PFKFB3: variants seen among roughly 807,000 people sequenced by gnomAD.
PFKFB3 encodes the protein 6-phosphofructo-2-kinase/fructose-2,6-biphosphatase 3, also known as 6-phosphofructo-2-kinase/fructose-2,6-bisphosphatase 3.
A neutral mutation model predicts 68.0 loss-of-function variants in PFKFB3; 33 were observed. The observed-to-expected ratio is 0.49, with a 90% CI of 0.37 to 0.65. PFKFB3 has a LOEUF of 0.65. Among genes scored for constraint, PFKFB3 ranks in the 30% least tolerant of loss-of-function variants. The pLI is 0.00. For missense variants in PFKFB3, 586 were observed against 712.2 expected, an observed-to-expected ratio of 0.82 and a Z score of 2.02; for synonymous variants, 315 against 288.2, an observed-to-expected ratio of 1.09 and a Z score of -0.94.
At chr10:6,257,221 G>A (rs140656446), downstream of PFKFB3, among the ~76,000 whole-genome samples, 329 of 152,244 alleles carry the variant, frequency 2.2e-3, 1 homozygote, top group Non-Finnish European at 3.8e-3. Flanking sequence ...CCCTTTCTGA[G>A]TCATTGATCT....
chr10:6,264,749 T>C, the PFKFB3 span, among the ~76,000 whole-genome samples: 2 of 152,192 alleles, frequency 1.3e-5, no homozygotes, highest in South Asian at 2.1e-4. Context: ...TCTATACGTG[T>C]ATGTTATTTT....
At chr10:6,291,758 G>A in the PFKFB3 span, among the ~76,000 whole-genome samples, 102 of 152,208 alleles carry the variant, frequency 6.7e-4, 1 homozygote, top group African/African-American at 2.4e-3. Context: ...CAGATTAATA[G>A]AGAACCACAT....
chr10:6,188,996 G>A (rs752302772), intron 1 of PFKFB3, among the ~76,000 whole-genome samples: 10 of 151,772 alleles, frequency 6.6e-5, no homozygotes, highest in African/African-American at 1.2e-4. Context: ...CACCTTGCCC[G>A]GCTAATTTTT....
At chr10:6,304,473 C>T in the PFKFB3 span, among the ~76,000 whole-genome samples, 1 of 149,770 alleles carries the variant, frequency 6.7e-6, no homozygotes, top group African/African-American at 2.5e-5. Context: ...TACCGTTAGA[C>T]ATTAAATGTA....
the PFKFB3 span, among the ~76,000 whole-genome samples, chr10:6,299,439 C>G: frequency 6.6e-6 from 1 of 152,102 alleles, no homozygotes; most frequent in Non-Finnish European, 1.5e-5. Flanking sequence ...CCTGCGTTGT[C>G]CTAACGTGCC....
At chr10:6,287,413 C>T in the PFKFB3 span, among the ~76,000 whole-genome samples, 1 of 152,160 alleles carries the variant, frequency 6.6e-6, no homozygotes, top group Admixed American at 6.5e-5. Flanking sequence ...TGTATTTTTA[C>T]TGTACCTTTC....
intron 1 of PFKFB3, among the ~76,000 whole-genome samples, chr10:6,155,197 GT>G (rs1554839904): frequency 9.9e-6 from 1 of 101,324 alleles, no homozygotes; most frequent in Non-Finnish European, 2.4e-5. Flanking sequence ...GCACTTACGA[GT>G]TTTTTTCTTT....
At position 6,202,981 on chromosome 10, in the gene PFKFB3, GC is replaced by G; in HGVS notation, c.-279del. ...AGCAGGGCCTGGTGGCGAGAGCGCG[GC>G]TGTCACTGCGCCCGAGCATCCCAGA... On this transcript the variant is annotated 5_prime_UTR_variant, in exon 1 of 15. Transcript: ENST00000379775. The G allele has an allele frequency of 7.7e-7, 1 of 1,305,040 alleles. No homozygotes were observed. The highest frequency in any genetic ancestry group is 9.7e-7 in the Non-Finnish European group (1 of 1,028,020). The allele number at this position is 1,305,040 out of a possible 1,614,324, so 80.8% of individuals were successfully genotyped here.
intron 1 of PFKFB3, among the ~76,000 whole-genome samples, chr10:6,205,274 A>G (rs551899103): frequency 2.0e-5 from 3 of 151,724 alleles, no homozygotes; most frequent in Non-Finnish European, 4.4e-5. Flanking sequence ...ATATAGTCAC[A>G]TTTAACTCTT....
chr10:6,264,188 TA>T, the PFKFB3 span, among the ~76,000 whole-genome samples: 1 of 152,238 alleles, frequency 6.6e-6, no homozygotes, highest in African/African-American at 2.4e-5. Context: ...GGACTGCTTC[TA>T]GATGTTCCAT....
the PFKFB3 span, chr10:6,294,772 T>A: frequency 6.6e-6 from 1 of 152,532 alleles, no homozygotes; most frequent in East Asian, 1.9e-4. Context: ...ATTTCAAGCC[T>A]CTCCTTTTGA....
chr10:6,231,664 G>A (rs755666868), intron 14 of PFKFB3: 1,219 of 876,942 alleles, frequency 1.4e-3, no homozygotes, highest in Non-Finnish European at 1.6e-3. Context: ...TGATCCCACA[G>A]CCCGGCTGGG....
At chr10:6,256,641 C>T (rs1219649531), downstream of PFKFB3, among the ~76,000 whole-genome samples, 2 of 152,194 alleles carry the variant, frequency 1.3e-5, no homozygotes, top group African/African-American at 2.4e-5. Flanking sequence ...AAAAATGAGG[C>T]GTGGCTCCTC....
downstream of PFKFB3, among the ~76,000 whole-genome samples, chr10:6,255,804 C>A (rs982120708): frequency 6.6e-6 from 1 of 152,154 alleles, no homozygotes; most frequent in East Asian, 1.9e-4. Context: ...TGGAAAAGTA[C>A]CCAGCTGCCT....
At chr10:6,323,641 A>G in the PFKFB3 span, among the ~76,000 whole-genome samples, 2 of 152,200 alleles carry the variant, frequency 1.3e-5, no homozygotes, top group East Asian at 3.8e-4. Context: ...GCACACTTGG[A>G]GAGATGAGGA....
intron 6 of PFKFB3, among the ~76,000 whole-genome samples, chr10:6,218,539 C>T (rs534920433): frequency 1.3e-5 from 2 of 152,046 alleles, no homozygotes; most frequent in East Asian, 1.9e-4. Context: ...AGCGATTCTC[C>T]TGCCTCAGCC....
At chr10:6,206,781 G>T (rs1444545503) in intron 1 of PFKFB3, among the ~76,000 whole-genome samples, 1 of 128,212 alleles carries the variant, frequency 7.8e-6, no homozygotes, top group Non-Finnish European at 1.6e-5. Context: ...CAGGCAGAGG[G>T]GGTCCTCACA....
At chr10:6,286,123 A>G in the PFKFB3 span, among the ~76,000 whole-genome samples, 12 of 150,544 alleles carry the variant, frequency 8.0e-5, no homozygotes, top group East Asian at 2.0e-4. Context: ...GACTACAGGC[A>G]CCCACCACCA....
At chr10:6,207,194 G>C (rs1290187118) in intron 1 of PFKFB3, among the ~76,000 whole-genome samples, 1 of 152,172 alleles carries the variant, frequency 6.6e-6, no homozygotes, top group African/African-American at 2.4e-5. Flanking sequence ...CCGGCACCTC[G>C]GGAGGCCGAG....
Sources: allele counts gnomAD v4.1 joint callset (sites outside exome capture counted in the v4.1 genomes callset), GRCh38; gene constraint gnomAD v4.1.1; transcripts MANE v1.5; gene names NCBI Gene and HGNC (gene_info 2026-07-23, HGNC 2026-07-21).